MND1: variants seen among roughly 807,000 people sequenced by gnomAD.
MND1 encodes meiotic nuclear division protein 1 homolog.
A neutral mutation model predicts 35.1 loss-of-function variants in MND1; 28 were observed. That is an observed-to-expected ratio of 0.80 (90% CI 0.59 to 1.09). The LOEUF is 1.09. Ranked by LOEUF, MND1 falls within the 50% of genes least tolerant of loss-of-function variation. The pLI, the probability that MND1 is intolerant of heterozygous loss-of-function variation, is 0.00. For synonymous variants in MND1, 69 were observed against 70.5 expected (o/e 0.98, Z 0.11); for missense variants, 213 against 239.6 (o/e 0.89, Z 0.73).
chr4:153,408,721 T>G (rs1157541382), intron 6 of MND1, among the ~76,000 whole-genome samples: 2 of 152,028 alleles, frequency 1.3e-5, no homozygotes, highest in African/African-American at 4.8e-5. Context: ...AATTGTTCAC[T>G]TTGACTTTCC....
At chr4:153,380,473 C>CTTTCT (rs1183498322) in intron 4 of MND1, among the ~76,000 whole-genome samples, 1 of 152,112 alleles carries the variant, frequency 6.6e-6, no homozygotes, top group Non-Finnish European at 1.5e-5. Context: ...AGTAGGCTTT[C>CTTTCT]TTTTATGTCT....
Position 153,387,391 on chromosome 4 carries a change from C to G in MND1, c.277-6871C>G, listed in dbSNP as rs564364101. Among the ~76,000 whole-genome samples, 5 of 152,092 alleles carry G rather than the reference C, an allele frequency of 3.3e-5. No homozygotes were observed. In the East Asian group the frequency reaches 7.7e-4, roughly 23 times the overall value. On this transcript the variant is annotated intron_variant, in intron 4 of 7. Coordinates refer to ENST00000240488, the MANE Select transcript of MND1 (RefSeq NM_032117.4). ...ATCTTTATATATAAATATATCTTTACAGTGTTTATTGTTTCCTTATGATTA... is the reference window on the plus strand; with the variant it reads ...ATCTTTATATATAAATATATCTTTAGAGTGTTTATTGTTTCCTTATGATTA...
At chr4:153,393,365 TTTC>T (rs1336459060) in intron 4 of MND1, among the ~76,000 whole-genome samples, 2 of 145,520 alleles carry the variant, frequency 1.4e-5, no homozygotes, top group African/African-American at 5.3e-5. Context: ...ATTCAATTTC[TTTC>T]TTTTTTTTTT....
intron 7 of MND1, among the ~76,000 whole-genome samples, chr4:153,414,350 C>T (rs1448860509): frequency 1.3e-5 from 2 of 150,292 alleles, no homozygotes; most frequent in African/African-American, 4.9e-5. Flanking sequence ...GGTGTGATCT[C>T]GGCTCACCAC....
At chr4:153,371,506 T>C (rs548003313) in intron 4 of MND1, among the ~76,000 whole-genome samples, 2 of 152,246 alleles carry the variant, frequency 1.3e-5, no homozygotes, top group South Asian at 2.1e-4. Flanking sequence ...CTTGCACTTT[T>C]ACATTATGGA....
chr4:153,384,443 ATTTTTTTTTTTTTT>A (rs561004288), intron 4 of MND1, among the ~76,000 whole-genome samples: 3 of 63,192 alleles, frequency 4.7e-5, no homozygotes, highest in East Asian at 1.2e-3. Context: ...CTAATGTTTA[ATTTTTTTTTTTTTT>A]TTTTTTTTTT....
Position 153,409,019 on chromosome 4 carries a change from T to G in MND1, c.511+4T>G, listed in dbSNP as rs60121086. On this transcript the variant is annotated splice_donor_region_variant and intron_variant, in intron 7 of 7. Transcript: ENST00000240488. ...GAAGCTGCTAACAGATGGACTGGTATGTACTATAATAATGCTGATAAACTA... is the reference window on the plus strand; with the variant it reads ...GAAGCTGCTAACAGATGGACTGGTAGGTACTATAATAATGCTGATAAACTA... 7.3e-7 allele frequency: 1 copy of G among 1,365,114 alleles called. No homozygotes were observed. The allele number at this position is 1,365,114 out of a possible 1,614,324, so 84.6% of individuals were successfully genotyped here.
Position 153,399,166 on chromosome 4 carries a change from C to T in MND1, c.466+1833C>T, listed in dbSNP as rs373295961. On this transcript the variant is annotated intron_variant, in intron 6 of 7. Transcript: ENST00000240488. ...TTCCTGATTTCAGTTTTGTGTGATT[C>T]TTGTACTTTTTCCTTGGTGTGCTAC... Among the ~76,000 whole-genome samples, 583 of 152,170 alleles carry T rather than the reference C, an allele frequency of 3.8e-3. 6 individuals carry two copies. The highest frequency in any genetic ancestry group is 0.013 in the African/African-American group (560 of 41,512).
At chr4:153,371,736 A>G (rs1773793534) in intron 4 of MND1, among the ~76,000 whole-genome samples, 1 of 151,902 alleles carries the variant, frequency 6.6e-6, no homozygotes, top group Non-Finnish European at 1.5e-5. Flanking sequence ...CTTTCTCATC[A>G]TTTGCGTGTT....
intron 4 of MND1, among the ~76,000 whole-genome samples, chr4:153,385,782 C>G (rs964641278): frequency 1.3e-5 from 2 of 151,404 alleles, no homozygotes; most frequent in Non-Finnish European, 2.9e-5. Flanking sequence ...AAGACTCTGA[C>G]TCCATTTCTC....
intron 1 of MND1, among the ~76,000 whole-genome samples, chr4:153,345,168 C>CG (rs1724207644): frequency 6.6e-6 from 1 of 152,214 alleles, no homozygotes. Context: ...TGTAGCCCCC[C>CG]CCATTAAGAA....
intron 4 of MND1, among the ~76,000 whole-genome samples, chr4:153,393,140 A>G (rs1729092513): frequency 6.6e-6 from 1 of 152,080 alleles, no homozygotes. Flanking sequence ...AGAGAAAAAG[A>G]TATAAAACAT....
chr4:153,346,025 C>T (rs1232697147), intron 1 of MND1, among the ~76,000 whole-genome samples: 4 of 152,134 alleles, frequency 2.6e-5, no homozygotes, highest in African/African-American at 9.7e-5. Context: ...AGCTTACCTC[C>T]GATAATAGAG....
intron 2 of MND1, among the ~76,000 whole-genome samples, chr4:153,351,919 T>A (rs1773225161): frequency 6.6e-6 from 1 of 152,236 alleles, no homozygotes; most frequent in African/African-American, 2.4e-5. Context: ...TTTTACACTC[T>A]TTTCTTTGTT....
At chr4:153,372,851 A>T (rs1407220385) in intron 4 of MND1, among the ~76,000 whole-genome samples, 3 of 152,168 alleles carry the variant, frequency 2.0e-5, no homozygotes, top group Admixed American at 2.0e-4. Flanking sequence ...CAGTTTATTG[A>T]TGAACATATA....
At chr4:153,391,727 T>C (rs866831294) in intron 4 of MND1, among the ~76,000 whole-genome samples, 10 of 142,282 alleles carry the variant, frequency 7.0e-5, no homozygotes, top group Non-Finnish European at 1.2e-4. Flanking sequence ...AACTCCATCA[T>C]ACACACACAC....
intron 4 of MND1, among the ~76,000 whole-genome samples, chr4:153,365,610 C>A (rs1257983563): frequency 1.4e-5 from 2 of 141,410 alleles, no homozygotes; most frequent in Admixed American, 7.0e-5. Context: ...TTTTTTTTTT[C>A]TTTTTAAGAG....
At chr4:153,349,303 G>T (rs1241277983) in intron 1 of MND1, among the ~76,000 whole-genome samples, 1 of 152,052 alleles carries the variant, frequency 6.6e-6, no homozygotes, top group African/African-American at 2.4e-5. Flanking sequence ...TTTCTACTTG[G>T]ATAGGCCTTT....
intron 4 of MND1, among the ~76,000 whole-genome samples, chr4:153,386,035 T>C (rs1728848773): frequency 6.6e-6 from 1 of 152,130 alleles, no homozygotes; most frequent in South Asian, 2.1e-4. Flanking sequence ...TTGTAGCAAA[T>C]GTACCATCTT....
Sources: gnomAD v4.1 joint callset for allele counts (sites outside exome capture counted in the v4.1 genomes callset) on GRCh38, gnomAD v4.1.1 for gene constraint, MANE v1.5 for transcripts, NCBI Gene and HGNC (gene_info 2026-07-23, HGNC 2026-07-21) for gene names.